The following VGLL3 variants were observed in gnomAD, a reference collection of about 807,000 sequenced individuals.
The protein encoded by VGLL3 is transcription cofactor vestigial-like protein 3.
In VGLL3, 18 loss-of-function variants were observed where a neutral mutation model predicts 29.2. That is an observed-to-expected ratio of 0.62 (90% CI 0.43 to 0.91). The LOEUF is 0.91. Among genes scored for constraint, VGLL3 ranks in the 40% least tolerant of loss-of-function variants. The pLI is 0.00. For synonymous variants in VGLL3, 180 were observed against 151.8 expected, an observed-to-expected ratio of 1.19 and a Z score of -1.36; for missense variants, 440 against 413.2, an observed-to-expected ratio of 1.06 and a Z score of -0.56.
chr3:86,977,542 C>A (rs1056331214), intron 2 of VGLL3, among the ~76,000 whole-genome samples: 5 of 152,194 alleles, frequency 3.3e-5, no homozygotes, highest in Non-Finnish European at 5.9e-5. Flanking sequence ...GGGGGTCCTG[C>A]AAACTGTCCT....
At chr3:86,954,144 A>G (rs1704669605) in intron 3 of VGLL3, among the ~76,000 whole-genome samples, 2 of 152,232 alleles carry the variant, frequency 1.3e-5, no homozygotes, top group African/African-American at 4.8e-5. Context: ...TGTCAGAAAC[A>G]ATGAGGTTAA....
intron 3 of VGLL3, among the ~76,000 whole-genome samples, chr3:86,960,048 C>T (rs1025289529): frequency 1.3e-5 from 2 of 151,962 alleles, no homozygotes; most frequent in African/African-American, 4.8e-5. Context: ...CCTAACAAAA[C>T]CAAGATATTT....
rs1559715612 is a variant in VGLL3, at chr3:86,942,548, A to G, written c.*4476T>C. The G allele has an allele frequency of 6.6e-6, 1 of 152,172 alleles. No individual in the cohort carries two copies. Among genetic ancestry groups the G allele is most frequent in the Non-Finnish European group, 1.5e-5 (1 of 68,022 alleles). The allele number at this position is 152,172 out of a possible 1,614,324, so 9.4% of individuals were successfully genotyped here. On this transcript the variant is annotated 3_prime_UTR_variant, in exon 4 of 4. Transcript: ENST00000398399. ...AAAAAATTGGATAACTTCAAAAGAAATGTTCTTATCCTAGGTGCCAAGGAA... is the reference window on the plus strand; with the variant it reads ...AAAAAATTGGATAACTTCAAAAGAAGTGTTCTTATCCTAGGTGCCAAGGAA...
intron 3 of VGLL3, among the ~76,000 whole-genome samples, chr3:86,949,922 TA>T (rs1267479448): frequency 3.3e-5 from 5 of 152,076 alleles, no homozygotes; most frequent in Admixed American, 1.3e-4. Flanking sequence ...TTGGAAAAAT[TA>T]AGAGTCAACA....
rs563968520 is a variant in VGLL3 at position 86,965,630 on chromosome 3, C to T, written c.937+2960G>A. Among the ~76,000 whole-genome samples the T allele has an allele frequency of 2.0e-5, 3 of 152,300 alleles. No homozygotes were observed. The East Asian group carries it at 5.8e-4, about 29-fold the overall frequency. ...GAGGCATTTATTCTCTTGTTGCCGG[C>T]AATTCCTGACTCTCAGTTGCTTCTC... On this transcript the variant is annotated intron_variant, in intron 3 of 3. Transcript: ENST00000398399.
At position 86,938,071 on chromosome 3, in the gene VGLL3, G is replaced by A. The variant is rs1390902397; in HGVS notation, c.*8953C>T. ...CCATTGATCCTTGATTAGTCCTGAA[G>A]TTATCAAAGTATGATTTTTCTTTAT... On this transcript the variant is annotated 3_prime_UTR_variant, in exon 4 of 4. Transcript: ENST00000398399. The A allele has an allele frequency of 6.6e-6, 1 of 152,108 alleles. No individual in the cohort carries two copies. Among genetic ancestry groups the A allele is most frequent in the Non-Finnish European group, 1.5e-5 (1 of 68,014 alleles). 9.4% of individuals were successfully genotyped at this position (152,108 alleles called of 1,614,324 possible). A position where few individuals can be genotyped will look rare whatever the true frequency, so the allele number is the denominator to read the frequency against.
intron 3 of VGLL3, among the ~76,000 whole-genome samples, chr3:86,957,966 A>C (rs1704757564): frequency 6.6e-6 from 1 of 152,148 alleles, no homozygotes. Flanking sequence ...ACATTTTGAC[A>C]AACTAGTCTT....
intron 3 of VGLL3, among the ~76,000 whole-genome samples, chr3:86,959,698 G>A (rs1704799312): frequency 6.6e-6 from 1 of 151,934 alleles, no homozygotes; most frequent in Admixed American, 6.5e-5. Context: ...AATGTAACTG[G>A]GTATTGTAGA....
At position 86,990,967 on chromosome 3, in the gene VGLL3, C is replaced by T. The variant is rs1705574359; in HGVS notation, c.-224G>A. On this transcript the variant is annotated 5_prime_UTR_variant, in exon 1 of 4. Transcript: ENST00000398399. ...TGCGCGGGCACCTTCATCTTCAGCC[C>T]CTCCGGATGTTCCCTGCCGCGCTTA... 2 of 1,043,680 alleles carry T rather than the reference C, an allele frequency of 1.9e-6. No individual in the cohort carries two copies. The highest frequency in any genetic ancestry group is 9.2e-5 in the South Asian group (2 of 21,724). The allele number at this position is 1,043,680 out of a possible 1,614,324, so 64.7% of individuals were successfully genotyped here.
chr3:86,989,842 A>G (rs1027586911), intron 1 of VGLL3, among the ~76,000 whole-genome samples: 1 of 152,122 alleles, frequency 6.6e-6, no homozygotes, highest in Non-Finnish European at 1.5e-5. Flanking sequence ...CAAATTCCCC[A>G]GAACTCTACT....
intron 3 of VGLL3, among the ~76,000 whole-genome samples, chr3:86,949,407 A>G (rs1008606897): frequency 3.9e-5 from 6 of 152,118 alleles, no homozygotes; most frequent in African/African-American, 1.4e-4. Context: ...CTTCTTGGTG[A>G]TGGAACATAA....
chr3:86,958,200 CA>C (rs1274218704), intron 3 of VGLL3, among the ~76,000 whole-genome samples: 1 of 151,892 alleles, frequency 6.6e-6, no homozygotes, highest in Non-Finnish European at 1.5e-5. Context: ...TCACAATAAA[CA>C]TTTTTGTACA....
chr3:86,965,380 G>A (rs377586650), intron 3 of VGLL3, among the ~76,000 whole-genome samples: 5 of 152,106 alleles, frequency 3.3e-5, no homozygotes, highest in Non-Finnish European at 5.9e-5. Flanking sequence ...CTGAGTCACC[G>A]TTTCTGGCTG....
intron 3 of VGLL3, among the ~76,000 whole-genome samples, chr3:86,951,695 C>T (rs796615153): frequency 1.3e-5 from 2 of 148,962 alleles, no homozygotes; most frequent in African/African-American, 5.0e-5. Flanking sequence ...CCTAGAGACT[C>T]CCCCCTCTTT....
At chr3:86,962,909 A>G (rs544736209) in intron 3 of VGLL3, 1 of 159,808 alleles carries the variant, frequency 6.3e-6, no homozygotes, top group Non-Finnish European at 1.3e-5. Context: ...AGCCTTCACT[A>G]TTCAAAATAG....
At chr3:86,978,488 G>A in intron 2 of VGLL3, 38 bp downstream of exon 2, 1 of 1,600,350 alleles carries the variant, frequency 6.2e-7, no homozygotes, top group East Asian at 2.2e-5. Context: ...GCGAAACAAA[G>A]ACAGTGCCCT....
Position 86,941,451 on chromosome 3 carries a change from T to C in VGLL3, c.*5573A>G, listed in dbSNP as rs1413642304. The C allele has an allele frequency of 6.7e-6, 1 of 148,986 alleles. No homozygotes were observed. The highest frequency in any genetic ancestry group is 6.7e-5 in the Admixed American group (1 of 14,952). The allele number at this position is 148,986 out of a possible 1,614,324, so 9.2% of individuals were successfully genotyped here. A position where few individuals can be genotyped will look rare whatever the true frequency, so the allele number is the denominator to read the frequency against. ...CCAAATTTAGTAGTCTAGAAATTGT[T>C]TTTTTTTTTAAAAAAACAAATTGAT... On this transcript the variant is annotated 3_prime_UTR_variant, in exon 4 of 4. Transcript: ENST00000398399.
At chr3:86,983,282 T>C (rs749584841) in intron 1 of VGLL3, among the ~76,000 whole-genome samples, 4 of 152,240 alleles carry the variant, frequency 2.6e-5, no homozygotes, top group Non-Finnish European at 5.9e-5. Flanking sequence ...TTCAAAAACA[T>C]GATTGGAGCT....
Position 86,943,662 on chromosome 3 carries a change from G to C in VGLL3, c.*3362C>G, listed in dbSNP as rs1390265467. ...GAAGAAAGAAAAAGGAGAGCAAATA[G>C]AGGGGAAAGTTAAGAGAGGGTGCTT... On this transcript the variant is annotated 3_prime_UTR_variant, in exon 4 of 4. Transcript: ENST00000398399. The C allele has an allele frequency of 1.3e-5, 2 of 152,126 alleles. No homozygotes were observed. Among genetic ancestry groups the C allele is most frequent in the South Asian group, 4.1e-4 (2 of 4,830 alleles). 9.4% of individuals were successfully genotyped at this position (152,126 alleles called of 1,614,324 possible).
Sources: allele counts gnomAD v4.1 joint callset (sites outside exome capture counted in the v4.1 genomes callset), GRCh38; gene constraint gnomAD v4.1.1; transcripts MANE v1.5; gene names NCBI Gene and HGNC (gene_info 2026-07-23, HGNC 2026-07-21).